Variants in MYO3A observed in about 807,000 individuals in gnomAD.
MYO3A encodes myosin-IIIa.
MYO3A carries 180 observed loss-of-function variants against 192.7 expected under a neutral mutation model. The ratio of observed to expected loss-of-function variants is 0.93; its 90% CI spans 0.83 to 1.06. The LOEUF is 1.06. Ranked by LOEUF, MYO3A falls within the 50% of genes least tolerant of loss-of-function variation. MYO3A has a pLI of 0.00. For missense variants in MYO3A, 1,896 were observed against 1,905.0 expected, an observed-to-expected ratio of 1.00 and a Z score of 0.09; for synonymous variants, 628 against 645.3, an observed-to-expected ratio of 0.97 and a Z score of 0.41.
chr10:26,154,768 G>C lies in MYO3A; in HGVS notation c.2738G>C (p.Arg913Pro). The C allele has an allele frequency of 6.2e-7, 1 of 1,613,828 alleles. No homozygotes were observed. The highest frequency in any genetic ancestry group is 1.1e-5 in the South Asian group (1 of 91,066). Residue 913 changes from arginine to proline, a missense_variant, in exon 25 of 35, where the codon CGT (arginine) becomes CCT (proline). Transcript: ENST00000642920. ...LAKGDTGEATRHARETTNMKT... is the reference protein window; with the variant it reads ...LAKGDTGEATPHARETTNMKT... ...TAGGGCGACACTGGAGAAGCCACACGTCATGCCAGAGAGACAACCAACATG... is the reference window on the plus strand; with the variant it reads ...TAGGGCGACACTGGAGAAGCCACACCTCATGCCAGAGAGACAACCAACATG...
At chr10:25,963,649 G>A (rs1376003467) in intron 4 of MYO3A, among the ~76,000 whole-genome samples, 1 of 152,114 alleles carries the variant, frequency 6.6e-6, no homozygotes, top group African/African-American at 2.4e-5. Context: ...CAGTGGAGTA[G>A]CAGACTCACA....
intron 10 of MYO3A, among the ~76,000 whole-genome samples, chr10:26,034,841 A>G (rs117614100): frequency 0.06 from 9,060 of 151,500 alleles, 356 homozygotes; most frequent in Non-Finnish European, 0.088. Flanking sequence ...TATTTAATAT[A>G]TTGATATATA....
At chr10:26,032,016 A>G (rs1472018807) in intron 10 of MYO3A, among the ~76,000 whole-genome samples, 1 of 152,236 alleles carries the variant, frequency 6.6e-6, no homozygotes, top group Non-Finnish European at 1.5e-5. Flanking sequence ...TGTTTTATAT[A>G]CAATGCAAAA....
intron 29 of MYO3A, among the ~76,000 whole-genome samples, chr10:26,171,880 A>G (rs921505271): frequency 2.0e-5 from 3 of 152,208 alleles, no homozygotes; most frequent in South Asian, 2.1e-4. Context: ...GTGATGTTCA[A>G]TTACATACCC....
At chr10:26,119,977 G>A (rs952743521) in intron 17 of MYO3A, among the ~76,000 whole-genome samples, 10 of 147,806 alleles carry the variant, frequency 6.8e-5, no homozygotes, top group East Asian at 2.0e-4. Context: ...GCAACATGGC[G>A]AGATCCTGTC....
intron 4 of MYO3A, among the ~76,000 whole-genome samples, chr10:25,961,517 A>G (rs145809974): frequency 0.011 from 1,712 of 152,234 alleles, 36 homozygotes; most frequent in African/African-American, 0.037. Context: ...TTGTCCTTAT[A>G]ATTTATTATC....
At chr10:26,024,283 A>G (rs1468670993) in intron 9 of MYO3A, among the ~76,000 whole-genome samples, 196 bp downstream of exon 9, 2 of 152,080 alleles carry the variant, frequency 1.3e-5, no homozygotes, top group African/African-American at 4.8e-5. Flanking sequence ...ATGTTTATTC[A>G]CTGATCAATA....
At chr10:26,079,808 G>A (rs1835809362) in intron 14 of MYO3A, among the ~76,000 whole-genome samples, 1 of 152,082 alleles carries the variant, frequency 6.6e-6, no homozygotes, top group Admixed American at 6.6e-5. Flanking sequence ...AAAATTCTTG[G>A]CTGATAATTG....
At chr10:26,178,067 G>A (rs1842419653) in intron 31 of MYO3A, among the ~76,000 whole-genome samples, 1 of 152,226 alleles carries the variant, frequency 6.6e-6, no homozygotes, top group Non-Finnish European at 1.5e-5. Flanking sequence ...GAGCCCAGAG[G>A]CCCATTCATT....
At chr10:26,103,344 G>A (rs887096973) in intron 17 of MYO3A, among the ~76,000 whole-genome samples, 2 of 152,198 alleles carry the variant, frequency 1.3e-5, no homozygotes, top group African/African-American at 2.4e-5. Flanking sequence ...CCCAGGTGAG[G>A]CGATGCCCTG....
chr10:26,197,058 G>A (rs143989284), intron 32 of MYO3A, among the ~76,000 whole-genome samples: 2 of 152,214 alleles, frequency 1.3e-5, no homozygotes, highest in Admixed American at 1.3e-4. Flanking sequence ...CCAGGGGTTT[G>A]GTTGAGGTCC....
intron 32 of MYO3A, among the ~76,000 whole-genome samples, chr10:26,193,941 T>G (rs1843275608): frequency 6.6e-6 from 1 of 152,160 alleles, no homozygotes; most frequent in Non-Finnish European, 1.5e-5. Context: ...TCGCCTGGCC[T>G]TCTTCTCATG....
Position 26,070,303 on chromosome 10 carries a change from C to G in MYO3A, c.1276-15C>G. The G allele has an allele frequency of 6.2e-7, 1 of 1,612,274 alleles. No homozygotes were observed. The highest frequency in any genetic ancestry group is 2.2e-5 in the East Asian group (1 of 44,766). ...GAGGATAAGGTCTTCTCACAGTTTT[C>G]TTTTCTATGTATAGTGCATTGTTAT... is the stretch of plus-strand genomic sequence containing the variant. On this transcript the variant is annotated splice_polypyrimidine_tract_variant and intron_variant, in intron 13 of 34. Transcript: ENST00000642920.
chr10:25,959,581 A>G (rs1270522936), intron 4 of MYO3A, among the ~76,000 whole-genome samples: 1 of 152,050 alleles, frequency 6.6e-6, no homozygotes, highest in Admixed American at 6.6e-5. Flanking sequence ...TTGGAGACCT[A>G]CCATGTGTCT....
At chr10:26,137,043 C>A (rs1839896067) in intron 20 of MYO3A, among the ~76,000 whole-genome samples, 1 of 151,820 alleles carries the variant, frequency 6.6e-6, no homozygotes, top group South Asian at 2.1e-4. Flanking sequence ...AAAAAAAGAC[C>A]CAGTAAGTAC....
At position 25,996,566 on chromosome 10, in the gene MYO3A, T is replaced by A. The variant is rs1564442405; in HGVS notation, c.380T>A (p.Ile127Asn). The A allele has an allele frequency of 1.2e-6, 2 of 1,613,754 alleles. No individual in the cohort carries two copies. The highest frequency in any genetic ancestry group is 1.1e-5 in the South Asian group (1 of 91,074). ...KRGERMSEPL[I>N]AYILHEALMG... ...GGTGAAAGAATGAGTGAGCCTCTAA[T>A]TGCCTATATTTTACATGAAGCACTA... is the stretch of plus-strand genomic sequence containing the variant. The change falls in exon 5 of 35, where the codon ATT (isoleucine) becomes AAT (asparagine). Residue 127 changes from isoleucine (I) to asparagine (N), a missense_variant. Ile to Asn is a moderately radical substitution (Grantham distance 149, BLOSUM62 -3). Transcript: ENST00000642920.
At chr10:25,938,554 T>C (rs953333081) in intron 2 of MYO3A, among the ~76,000 whole-genome samples, 8 of 152,206 alleles carry the variant, frequency 5.3e-5, no homozygotes, top group African/African-American at 1.7e-4. Context: ...TCTTCCATCA[T>C]AGGCAGCAAC....
intron 6 of MYO3A, among the ~76,000 whole-genome samples, chr10:26,002,615 G>C (rs112046969): frequency 0.013 from 1,903 of 143,158 alleles, 6 homozygotes; most frequent in Non-Finnish European, 0.016. Context: ...GAATGAGTCA[G>C]GGTGGACCAG....
At chr10:25,951,034 T>A (rs1028349511) in intron 2 of MYO3A, among the ~76,000 whole-genome samples, 2 of 152,182 alleles carry the variant, frequency 1.3e-5, no homozygotes, top group Non-Finnish European at 2.9e-5. Context: ...TAAAATGTCC[T>A]TTATAAAGTC....
Sources: allele counts gnomAD v4.1 joint callset (sites outside exome capture counted in the v4.1 genomes callset), GRCh38; gene constraint gnomAD v4.1.1; transcripts MANE v1.5; gene names NCBI Gene and HGNC (gene_info 2026-07-23, HGNC 2026-07-21).